Variants in SGCZ observed in about 807,000 individuals in gnomAD.
SGCZ encodes zeta-sarcoglycan.
In SGCZ, 40 loss-of-function variants were observed where a neutral mutation model predicts 41.3. The observed-to-expected ratio is 0.97, with a 90% CI of 0.75 to 1.26. SGCZ has a LOEUF of 1.26. Ranked by LOEUF, SGCZ falls within the 50% of genes most tolerant of loss-of-function variation. The pLI, the probability that SGCZ is intolerant of heterozygous loss-of-function variation, is 0.00. For missense variants in SGCZ, 552 were observed against 369.8 expected, an observed-to-expected ratio of 1.49 and a Z score of -4.04; for synonymous variants, 206 against 137.5, an observed-to-expected ratio of 1.50 and a Z score of -3.49.
chr8:14,711,396 C>T (rs1033515541), intron 1 of SGCZ, among the ~76,000 whole-genome samples: 2 of 147,548 alleles, frequency 1.4e-5, no homozygotes, highest in Admixed American at 6.8e-5. Flanking sequence ...TCGAGACCAG[C>T]CTGGCCAACA....
intron 1 of SGCZ, among the ~76,000 whole-genome samples, chr8:14,930,382 T>C (rs974806866): frequency 6.6e-6 from 1 of 152,054 alleles, no homozygotes; most frequent in Non-Finnish European, 1.5e-5. Flanking sequence ...TTTTACACTA[T>C]TGATGGGAGT....
chr8:15,107,983 G>T (rs1806895596), intron 1 of SGCZ, among the ~76,000 whole-genome samples: 1 of 152,066 alleles, frequency 6.6e-6, no homozygotes. Flanking sequence ...TAGTTATTCT[G>T]CTGATCTCAT....
chr8:15,097,494 G>A (rs1419668869), intron 1 of SGCZ, among the ~76,000 whole-genome samples: 9 of 151,936 alleles, frequency 5.9e-5, no homozygotes, highest in Non-Finnish European at 5.9e-5. Flanking sequence ...CAAGCCTGTT[G>A]TCCTAGCACT....
At chr8:14,973,746 T>C (rs1233015574) in intron 1 of SGCZ, among the ~76,000 whole-genome samples, 3 of 152,210 alleles carry the variant, frequency 2.0e-5, no homozygotes, top group African/African-American at 7.2e-5. Flanking sequence ...AAAGGGTATT[T>C]TTATCTGAAA....
At chr8:14,525,160 ATAGATAGATAGATAGAT>A (rs201870241) in intron 2 of SGCZ, among the ~76,000 whole-genome samples, 2,649 of 133,288 alleles carry the variant, frequency 0.02, 41 homozygotes, top group East Asian at 0.1. Flanking sequence ...AGATAGATAG[ATAGATAGATAGATAGAT>A]AGATAGATAG....
chr8:14,720,844 C>T (rs1008077324), intron 1 of SGCZ, among the ~76,000 whole-genome samples: 1 of 151,948 alleles, frequency 6.6e-6, no homozygotes, highest in Non-Finnish European at 1.5e-5. Flanking sequence ...TATTATGTAC[C>T]AATATTTCTT....
chr8:14,353,142 G>A (rs976284449), intron 2 of SGCZ, among the ~76,000 whole-genome samples: 1 of 151,480 alleles, frequency 6.6e-6, no homozygotes, highest in Non-Finnish European at 1.5e-5. Context: ...CAACTTCTCT[G>A]TGACTAAGTT....
intron 1 of SGCZ, among the ~76,000 whole-genome samples, chr8:14,679,138 C>T (rs1808363607): frequency 6.6e-6 from 1 of 152,038 alleles, no homozygotes; most frequent in South Asian, 2.1e-4. Flanking sequence ...TACTGCACTG[C>T]CAGTCATATA....
intron 1 of SGCZ, among the ~76,000 whole-genome samples, chr8:15,092,680 T>C (rs972917179): frequency 4.6e-5 from 7 of 152,204 alleles, no homozygotes; most frequent in Non-Finnish European, 8.8e-5. Flanking sequence ...CTTTTAAAAT[T>C]CCATACTTCA....
chr8:14,214,793 TTTAGAAATCCA>T (rs1161558955), intron 4 of SGCZ, among the ~76,000 whole-genome samples: 1 of 152,074 alleles, frequency 6.6e-6, no homozygotes, highest in Non-Finnish European at 1.5e-5. Flanking sequence ...ATATAATTAT[TTTAGAAATCCA>T]CTAAGATGAC....
At chr8:14,697,227 G>A (rs1341269970) in intron 1 of SGCZ, among the ~76,000 whole-genome samples, 1 of 152,028 alleles carries the variant, frequency 6.6e-6, no homozygotes, top group Non-Finnish European at 1.5e-5. Context: ...GTGGCCTAGA[G>A]TCACAATGCT....
At chr8:14,783,475 A>G (rs75401546) in intron 1 of SGCZ, among the ~76,000 whole-genome samples, 1 of 152,066 alleles carries the variant, frequency 6.6e-6, no homozygotes, top group Non-Finnish European at 1.5e-5. Flanking sequence ...AAAAAGTAGT[A>G]GAAGTATAGC....
intron 3 of SGCZ, among the ~76,000 whole-genome samples, chr8:14,301,374 A>C (rs1442752400): frequency 6.7e-6 from 1 of 149,238 alleles, no homozygotes. Flanking sequence ...TCAAATCACA[A>C]AAAAAAACAA....
At chr8:15,111,890 C>G (rs1290108451) in intron 1 of SGCZ, among the ~76,000 whole-genome samples, 1 of 138,950 alleles carries the variant, frequency 7.2e-6, no homozygotes, top group African/African-American at 2.9e-5. Flanking sequence ...CAGAGCGAGA[C>G]TCCGTCTCCC....
At position 14,147,626 on chromosome 8, in the gene SGCZ, C is replaced by A. The variant is rs111853919; in HGVS notation, c.547+16954G>T. Among the ~76,000 whole-genome samples, 1,055 of 152,190 alleles carry A rather than the reference C, an allele frequency of 6.9e-3. 12 individuals carry two copies. Among genetic ancestry groups the A allele is most frequent in the African/African-American group, 0.023 (964 of 41,528 alleles). On this transcript the variant is annotated intron_variant, in intron 5 of 7. Transcript: ENST00000382080. ...CAAATACGATAACTGGAAACTTTAA[C>A]ACCCCACTTTCAGCATTGGACCTAT...
chr8:14,319,276 T>C (rs2117020007), intron 3 of SGCZ, among the ~76,000 whole-genome samples: 1 of 151,834 alleles, frequency 6.6e-6, no homozygotes, highest in African/African-American at 2.4e-5. Context: ...AGGAGAAAAA[T>C]ACCAAGGTGC....
intron 2 of SGCZ, among the ~76,000 whole-genome samples, chr8:14,529,096 AT>A (rs1803046723): frequency 6.6e-6 from 1 of 152,110 alleles, no homozygotes; most frequent in Admixed American, 6.6e-5. Flanking sequence ...ACCAATCATT[AT>A]TTTTATAAAG....
chr8:14,433,146 A>G (rs749274189), intron 2 of SGCZ, among the ~76,000 whole-genome samples: 19 of 152,314 alleles, frequency 1.2e-4, no homozygotes, highest in Non-Finnish European at 2.4e-4. Flanking sequence ...TATTCTTATT[A>G]CAATTAGTAT....
At chr8:14,635,113 T>A (rs1806786650) in intron 1 of SGCZ, among the ~76,000 whole-genome samples, 1 of 151,852 alleles carries the variant, frequency 6.6e-6, no homozygotes, top group Non-Finnish European at 1.5e-5. Flanking sequence ...GTTTTGCATA[T>A]ATTTTAACAT....
Sources: allele counts gnomAD v4.1 joint callset (sites outside exome capture counted in the v4.1 genomes callset), GRCh38; gene constraint gnomAD v4.1.1; transcripts MANE v1.5; gene names NCBI Gene and HGNC (gene_info 2026-07-23, HGNC 2026-07-21).